The following ZZZ3 variants were observed in gnomAD, a reference collection of about 807,000 sequenced individuals.
The protein encoded by ZZZ3 is ZZ-type zinc finger-containing protein 3.
ZZZ3 carries 22 observed loss-of-function variants against 95.2 expected under a neutral mutation model. That is an observed-to-expected ratio of 0.23 (90% CI 0.17 to 0.33). The LOEUF is 0.33. ZZZ3 is among the 10% of genes least tolerant of loss of function. The probability of loss-of-function intolerance (pLI) is 1.00; values close to 1 mark genes in which losing one functional copy is unlikely to be tolerated. For missense variants in ZZZ3, 885 were observed against 1,066.5 expected, an observed-to-expected ratio of 0.83 and a Z score of 2.37; for synonymous variants, 335 against 358.9, an observed-to-expected ratio of 0.93 and a Z score of 0.75.
intron 1 of ZZZ3, among the ~76,000 whole-genome samples, chr1:77,648,745 C>T (rs188767108): frequency 6.1e-4 from 93 of 152,156 alleles, no homozygotes; most frequent in Non-Finnish European, 1.2e-3. Context: ...TAACTGAAGT[C>T]CCCAAAAGAC....
At chr1:77,611,736 A>G (rs1029335310) in intron 5 of ZZZ3, among the ~76,000 whole-genome samples, 28 of 152,076 alleles carry the variant, frequency 1.8e-4, no homozygotes, top group Admixed American at 4.6e-4. Flanking sequence ...AATAAGGGAC[A>G]GTCAGTTCAA....
chr1:77,595,879 T>C (rs1175384990), intron 5 of ZZZ3, among the ~76,000 whole-genome samples: 2 of 151,986 alleles, frequency 1.3e-5, no homozygotes, highest in African/African-American at 4.8e-5. Context: ...GAAGAGGGTA[T>C]ACTGAAAAGC....
intron 5 of ZZZ3, among the ~76,000 whole-genome samples, chr1:77,614,133 A>C (rs1383956943): frequency 6.6e-6 from 1 of 152,204 alleles, no homozygotes; most frequent in Non-Finnish European, 1.5e-5. Flanking sequence ...ATGCTTTTTA[A>C]ACATATGCAG....
chr1:77,660,171 G>A lies in ZZZ3; in HGVS notation c.-402-18516C>T, dbSNP rs77984545. Among the ~76,000 whole-genome samples the A allele has an allele frequency of 7.2e-3, 1,091 of 152,184 alleles. 19 individuals are homozygous for A. The highest frequency in any genetic ancestry group is 0.024 in the African/African-American group (1,015 of 41,524). On this transcript the variant is annotated intron_variant, in intron 1 of 14. Transcript: ENST00000370801. ...TAGCAGGTAAAGAAGAGTATGCCTC[G>A]TTAGTGAGAGGTAAGTTACTTCTCC...
At chr1:77,579,751 C>A in intron 9 of ZZZ3, 123 bp from the exon 10 acceptor site, 2 of 556,726 alleles carry the variant, frequency 3.6e-6, no homozygotes, top group South Asian at 2.8e-5. Context: ...TTGGGGGTTA[C>A]GTAATTAGAA....
At chr1:77,612,987 T>C (rs972327434) in intron 5 of ZZZ3, among the ~76,000 whole-genome samples, 48 of 152,180 alleles carry the variant, frequency 3.2e-4, no homozygotes, top group African/African-American at 1.1e-3. Flanking sequence ...GATATGTTAA[T>C]GTGCTTCACT....
At chr1:77,597,648 A>G (rs1301889278) in intron 5 of ZZZ3, among the ~76,000 whole-genome samples, 3 of 152,086 alleles carry the variant, frequency 2.0e-5, no homozygotes, top group Non-Finnish European at 4.4e-5. Flanking sequence ...CAGTCTAATC[A>G]TGAGAAAAAT....
intron 1 of ZZZ3, among the ~76,000 whole-genome samples, chr1:77,666,511 C>T (rs1055464577): frequency 2.0e-5 from 3 of 151,978 alleles, no homozygotes; most frequent in African/African-American, 7.3e-5. Flanking sequence ...CCAGCCTGGG[C>T]GACACAGAGC....
At chr1:77,602,192 AG>A (rs1337456298) in intron 5 of ZZZ3, among the ~76,000 whole-genome samples, 2 of 152,188 alleles carry the variant, frequency 1.3e-5, no homozygotes, top group African/African-American at 4.8e-5. Context: ...AATGGGAGAA[AG>A]GAAGAAAAAC....
intron 5 of ZZZ3, among the ~76,000 whole-genome samples, chr1:77,590,716 T>C (rs893196163): frequency 6.6e-6 from 1 of 152,270 alleles, no homozygotes; most frequent in Non-Finnish European, 1.5e-5. Flanking sequence ...GATTGTGCAG[T>C]ATATAATTTT....
chr1:77,589,262 T>C (rs1663416092), intron 5 of ZZZ3, among the ~76,000 whole-genome samples: 1 of 152,148 alleles, frequency 6.6e-6, no homozygotes, highest in African/African-American at 2.4e-5. Context: ...CTTCAAGTCC[T>C]TATCTAAGTT....
intron 6 of ZZZ3, among the ~76,000 whole-genome samples, chr1:77,582,670 CTTTT>C (rs11401605): frequency 7.0e-6 from 1 of 143,362 alleles, no homozygotes; most frequent in Non-Finnish European, 1.5e-5. Flanking sequence ...TAATTTTTTT[CTTTT>C]TTTTTTTTTT....
chr1:77,661,025 T>C, intron 1 of ZZZ3, among the ~76,000 whole-genome samples: 1 of 148,586 alleles, frequency 6.7e-6, no homozygotes, highest in East Asian at 2.0e-4. Context: ...TAATTTGCCA[T>C]CATTAAATTG....
chr1:77,623,226 CAG>C (rs1667043357), intron 5 of ZZZ3, among the ~76,000 whole-genome samples: 2 of 152,208 alleles, frequency 1.3e-5, no homozygotes, highest in South Asian at 2.1e-4. Flanking sequence ...TGTTGCTCAG[CAG>C]AGAGACAGAA....
chr1:77,626,145 T>C (rs562095226), intron 5 of ZZZ3, among the ~76,000 whole-genome samples: 19 of 152,276 alleles, frequency 1.2e-4, no homozygotes, highest in African/African-American at 4.6e-4. Flanking sequence ...ATTCACTTAA[T>C]GTTTTGGTTA....
chr1:77,673,510 T>C (rs1387248787), intron 1 of ZZZ3, among the ~76,000 whole-genome samples: 2 of 151,928 alleles, frequency 1.3e-5, no homozygotes, highest in East Asian at 1.9e-4. Flanking sequence ...GGCACGAAAA[T>C]TGCTTGAACT....
At chr1:77,622,420 A>G (rs138860560) in intron 5 of ZZZ3, among the ~76,000 whole-genome samples, 23 of 152,110 alleles carry the variant, frequency 1.5e-4, no homozygotes, top group Non-Finnish European at 3.1e-4. Context: ...ACAAATGGTA[A>G]AAATTAAAGT....
In ZZZ3 at chr1:77,581,724, T is replaced by C. The variant is rs1179793818; in HGVS notation, c.1908+52A>G. On this transcript the variant is annotated intron_variant, in intron 8 of 14. Coordinates refer to ENST00000370801, the MANE Select transcript of ZZZ3 (RefSeq NM_015534.6). ...GAACACAAACCAGCAAAATGTTAAATTGTTTTGTCTAAAATTCAAATTCTC... is the reference window on the plus strand; with the variant it reads ...GAACACAAACCAGCAAAATGTTAAACTGTTTTGTCTAAAATTCAAATTCTC... 10 of 1,388,470 alleles carry C rather than the reference T, an allele frequency of 7.2e-6. No homozygotes were observed. In the Admixed American group the frequency reaches 1.9e-4, roughly 26 times the overall value. 86.0% of individuals were successfully genotyped at this position (1,388,470 alleles called of 1,614,324 possible).
chr1:77,624,855 A>C (rs1052525463), intron 5 of ZZZ3, among the ~76,000 whole-genome samples: 4 of 152,102 alleles, frequency 2.6e-5, no homozygotes, highest in Non-Finnish European at 5.9e-5. Flanking sequence ...TAGGATGGAG[A>C]CCTTAACCTG....
Sources: gnomAD v4.1 joint callset for allele counts (sites outside exome capture counted in the v4.1 genomes callset) on GRCh38, gnomAD v4.1.1 for gene constraint, MANE v1.5 for transcripts, NCBI Gene and HGNC (gene_info 2026-07-23, HGNC 2026-07-21) for gene names.